Variants in HHIP observed in about 807,000 individuals in gnomAD.
HHIP encodes the protein hedgehog interacting protein.
HHIP carries 12 observed loss-of-function variants against 74.0 expected under a neutral mutation model. That is an observed-to-expected ratio of 0.16 (90% CI 0.10 to 0.26). HHIP has a LOEUF of 0.26. HHIP is among the 10% of genes least tolerant of loss of function. The pLI is 1.00. For missense variants in HHIP, 788 were observed against 845.0 expected, an observed-to-expected ratio of 0.93 and a Z score of 0.84; for synonymous variants, 309 against 311.6, an observed-to-expected ratio of 0.99 and a Z score of 0.09.
At chr4:144,678,488 C>T (rs1051549818) in intron 4 of HHIP, among the ~76,000 whole-genome samples, 1 of 152,064 alleles carries the variant, frequency 6.6e-6, no homozygotes, top group African/African-American at 2.4e-5. Context: ...GTTTGCTGCA[C>T]CTATCAACCT....
chr4:144,689,257 G>T (rs1197714138), intron 4 of HHIP, among the ~76,000 whole-genome samples: 1 of 152,184 alleles, frequency 6.6e-6, no homozygotes, highest in East Asian at 1.9e-4. Flanking sequence ...AAGGCACATA[G>T]ATGATGTCGT....
chr4:144,688,197 G>T (rs1056383503), intron 4 of HHIP, among the ~76,000 whole-genome samples: 3 of 152,054 alleles, frequency 2.0e-5, no homozygotes, highest in Admixed American at 1.3e-4. Flanking sequence ...GTCAAACACA[G>T]ACCATGTTCC....
rs1375685117 is a variant in HHIP, at chr4:144,646,843, G to GATA, written c.168_169insATA (p.Met56_Ser57insIle). 6.2e-7 allele frequency: 1 copy of GATA among 1,614,130 alleles called. No homozygotes were observed. Among genetic ancestry groups the GATA allele is most frequent in the Admixed American group, 1.7e-5 (1 of 60,010 alleles). On this transcript the variant is annotated inframe_insertion, in exon 1 of 13. Transcript: ENST00000296575. ...TGAAAAGGAGAGACAGGAGGATGATGTCCCAGCTGGAGCTGCTGAGTGGGG... is the reference window on the plus strand; with the variant it reads ...TGAAAAGGAGAGACAGGAGGATGATGATATCCCAGCTGGAGCTGCTGAGTGGGG...
chr4:144,739,564 A>T lies in HHIP; in HGVS notation c.*1607A>T, dbSNP rs560788008. 6.6e-6 allele frequency: 1 copy of T among 152,368 alleles called. No homozygotes were observed. The highest frequency in any genetic ancestry group is 2.4e-5 in the African/African-American group (1 of 41,590). 9.4% of individuals were successfully genotyped at this position (152,368 alleles called of 1,614,324 possible). On this transcript the variant is annotated 3_prime_UTR_variant, in exon 13 of 13. Transcript: ENST00000296575. ...CAATTAAAGCCCAGTAAGCATTTATATAGAAGCCACAATGTAGAAAGATTG... is the reference window on the plus strand; with the variant it reads ...CAATTAAAGCCCAGTAAGCATTTATTTAGAAGCCACAATGTAGAAAGATTG...
At chr4:144,684,722 T>G in intron 4 of HHIP, among the ~76,000 whole-genome samples, 1 of 152,204 alleles carries the variant, frequency 6.6e-6, no homozygotes, top group East Asian at 1.9e-4. Context: ...TCCTAGGGCT[T>G]TGAATTTTTT....
chr4:144,670,616 C>G (rs1344235895), intron 4 of HHIP, among the ~76,000 whole-genome samples: 2 of 150,716 alleles, frequency 1.3e-5, no homozygotes, highest in Non-Finnish European at 2.9e-5. Context: ...AAAATGGCAT[C>G]TGTCCTCAGG....
intron 4 of HHIP, among the ~76,000 whole-genome samples, chr4:144,663,842 T>C (rs1352449234): frequency 6.6e-6 from 1 of 152,190 alleles, no homozygotes; most frequent in Non-Finnish European, 1.5e-5. Flanking sequence ...TAAAACCTTG[T>C]TAAAAGCAAC....
At chr4:144,646,997 G>A in intron 1 of HHIP, 43 bp downstream of exon 1, 1 of 1,527,544 alleles carries the variant, frequency 6.5e-7, no homozygotes, top group Non-Finnish European at 8.8e-7. Flanking sequence ...TGGCATATTG[G>A]CTGGGTGGGG....
intron 2 of HHIP, among the ~76,000 whole-genome samples, chr4:144,657,013 C>A (rs1728576912): frequency 6.6e-6 from 1 of 152,088 alleles, no homozygotes; most frequent in Non-Finnish European, 1.5e-5. Flanking sequence ...CATGCATGTA[C>A]ACACACATAC....
rs575321738 is a variant in HHIP, at chr4:144,738,293, C to A, written c.*336C>A. 2.0e-6 allele frequency: 2 copies of A among 981,132 alleles called. No homozygotes were observed. Among genetic ancestry groups the A allele is most frequent in the Non-Finnish European group, 2.4e-6 (2 of 824,920 alleles). 60.8% of individuals were successfully genotyped at this position (981,132 alleles called of 1,614,324 possible). On this transcript the variant is annotated 3_prime_UTR_variant, in exon 13 of 13. Transcript: ENST00000296575. ...TACTAGAAGAGATTATTTGACTTCCCAGGAATTTTCTGTCTGTAATCACTA... is the reference window on the plus strand; with the variant it reads ...TACTAGAAGAGATTATTTGACTTCCAAGGAATTTTCTGTCTGTAATCACTA...
Position 144,698,101 on chromosome 4 carries a change from A to G in HHIP, c.832-8430A>G, listed in dbSNP as rs185603913. 1.7e-4 allele frequency among the ~76,000 whole-genome samples: 26 copies of G among 152,284 alleles called. No individual in the cohort carries two copies. The East Asian group carries it at 4.8e-3, about 28-fold the overall frequency. On this transcript the variant is annotated intron_variant, in intron 4 of 12. Coordinates refer to ENST00000296575, the MANE Select transcript of HHIP (RefSeq NM_022475.3). ...CTAAACATAGATTTGACACGGACCA[A>G]TCGCTACATACCAGAGATTATATAC...
Position 144,647,147 on chromosome 4 carries a change from C to G in HHIP, c.279+193C>G. On this transcript the variant is annotated intron_variant, in intron 1 of 12. Coordinates refer to ENST00000296575, the MANE Select transcript of HHIP (RefSeq NM_022475.3). ...GGTAAGCAAGTAGCATTTCCTCCCC[C>G]AGAGTCCGCGGTCGGGATGCTGTGC... 5.6e-6 allele frequency: 3 copies of G among 531,772 alleles called. No homozygotes were observed. In the South Asian group the frequency reaches 1.0e-4, roughly 18 times the overall value. 32.9% of individuals were successfully genotyped at this position (531,772 alleles called of 1,614,324 possible).
At chr4:144,700,112 G>A (rs564154844) in intron 4 of HHIP, among the ~76,000 whole-genome samples, 1 of 152,310 alleles carries the variant, frequency 6.6e-6, no homozygotes, top group South Asian at 2.1e-4. Context: ...AGTTTCACAT[G>A]TCCACATTTT....
chr4:144,649,980 C>T (rs1263660940), intron 1 of HHIP, among the ~76,000 whole-genome samples: 1 of 152,102 alleles, frequency 6.6e-6, no homozygotes, highest in Non-Finnish European at 1.5e-5. Context: ...GCTGAACAAC[C>T]TTGTAGGCAT....
intron 4 of HHIP, among the ~76,000 whole-genome samples, chr4:144,696,433 T>G (rs1729820412): frequency 6.6e-6 from 1 of 151,948 alleles, no homozygotes; most frequent in East Asian, 1.9e-4. Context: ...TGAGTTAAAG[T>G]AACTGAGGGA....
chr4:144,714,462 G>A (rs1730393235), intron 9 of HHIP, 114 bp downstream of exon 9: 1 of 985,878 alleles, frequency 1.0e-6, no homozygotes, highest in Non-Finnish European at 1.5e-6. Context: ...ATCAGATGGG[G>A]AATACACATA....
chr4:144,668,476 G>A (rs1052654934), intron 4 of HHIP, among the ~76,000 whole-genome samples: 37 of 150,230 alleles, frequency 2.5e-4, no homozygotes, highest in Non-Finnish European at 3.6e-4. Flanking sequence ...AAGTGGGGCC[G>A]CTCTTAGTGG....
chr4:144,664,987 T>A (rs1728821878), intron 4 of HHIP, among the ~76,000 whole-genome samples: 1 of 152,266 alleles, frequency 6.6e-6, no homozygotes, highest in South Asian at 2.1e-4. Context: ...CTTTATAGTT[T>A]AAAATTCTGG....
At chr4:144,721,093 T>C (rs149498970) in intron 11 of HHIP, among the ~76,000 whole-genome samples, 34 of 152,316 alleles carry the variant, frequency 2.2e-4, no homozygotes, top group African/African-American at 7.9e-4. Flanking sequence ...TTTAGGTTAA[T>C]TGTATTCTCA....
Sources: allele counts gnomAD v4.1 joint callset (sites outside exome capture counted in the v4.1 genomes callset), GRCh38; gene constraint gnomAD v4.1.1; transcripts MANE v1.5; gene names NCBI Gene and HGNC (gene_info 2026-07-23, HGNC 2026-07-21).